Variants in MEF2C observed in about 807,000 individuals in gnomAD.
The protein encoded by MEF2C is myocyte enhancer factor 2C.
Under a neutral mutation model 50.5 loss-of-function variants are expected in MEF2C, and 6 were observed. The ratio of observed to expected loss-of-function variants is 0.12; its 90% CI spans 0.07 to 0.23. The LOEUF (loss-of-function observed/expected upper bound fraction) is 0.23. MEF2C is among the 10% of genes least tolerant of loss of function. MEF2C has a pLI of 1.00. For missense variants in MEF2C, 276 were observed against 605.0 expected (o/e 0.46, Z 5.70); for synonymous variants, 183 against 228.0 (o/e 0.80, Z 1.78).
intron 5 of MEF2C, chr5:88,750,040 A>G (rs1254652977): frequency 1.1e-5 from 5 of 473,096 alleles, no homozygotes; most frequent in Non-Finnish European, 1.4e-5. Flanking sequence ...AAAAAAAAAA[A>G]AATTACTTTT....
chr5:88,793,573 GA>G (rs1416787461), intron 3 of MEF2C, among the ~76,000 whole-genome samples: 1 of 152,052 alleles, frequency 6.6e-6, no homozygotes, highest in African/African-American at 2.4e-5. Context: ...TTAGGTAAGT[GA>G]ATCTGTTTTT....
chr5:88,878,167 T>C (rs1214764177), intron 1 of MEF2C: 1 of 152,062 alleles, frequency 6.6e-6, no homozygotes, highest in Non-Finnish European at 1.5e-5. Context: ...GAGAACTAAA[T>C]GACACATATA....
chr5:88,843,454 A>T (rs567337102), intron 1 of MEF2C: 1 of 985,160 alleles, frequency 1.0e-6, no homozygotes, highest in African/African-American at 1.7e-5. Context: ...AATGAGGCAG[A>T]CCAATTATTA....
chr5:88,854,130 T>C (rs1168049409), intron 1 of MEF2C, among the ~76,000 whole-genome samples: 3 of 152,208 alleles, frequency 2.0e-5, no homozygotes, highest in African/African-American at 4.8e-5. Context: ...ATAAGAACCA[T>C]ATTTTTGGTG....
At chr5:88,753,163 G>T (rs888992736) in intron 4 of MEF2C, among the ~76,000 whole-genome samples, 1 of 151,748 alleles carries the variant, frequency 6.6e-6, no homozygotes, top group Non-Finnish European at 1.5e-5. Flanking sequence ...TGTTTGGTTG[G>T]CTGGCCTGCA....
chr5:88,899,460 CA>C (rs1835428405), intron 1 of MEF2C, among the ~76,000 whole-genome samples: 1 of 152,056 alleles, frequency 6.6e-6, no homozygotes, highest in East Asian at 1.9e-4. Flanking sequence ...ACAAAATGGC[CA>C]AAAAGGCCCA....
At position 88,717,704 on chromosome 5, in the gene MEF2C, T is replaced by C. The variant is rs1235344973; in HGVS notation, c.*4900A>G. 1 of 152,196 alleles carries C rather than the reference T, an allele frequency of 6.6e-6. No individual in the cohort carries two copies. The highest frequency in any genetic ancestry group is 1.5e-5 in the Non-Finnish European group (1 of 68,022). 9.4% of individuals were successfully genotyped at this position (152,196 alleles called of 1,614,324 possible). A position where few individuals can be genotyped will look rare whatever the true frequency, so the allele number is the denominator to read the frequency against. ...TTTTAAATTAATCTTTCTATCAATC[T>C]TTTTAAGGACATTCCCCTTTAGAGA... On this transcript the variant is annotated 3_prime_UTR_variant, in exon 11 of 11. Transcript: ENST00000504921.
At chr5:88,899,597 T>A (rs368983721) in intron 1 of MEF2C, among the ~76,000 whole-genome samples, 10 of 152,264 alleles carry the variant, frequency 6.6e-5, no homozygotes, top group African/African-American at 2.4e-4. Flanking sequence ...GAACACTCTT[T>A]AACTCTAATG....
intron 2 of MEF2C, among the ~76,000 whole-genome samples, chr5:88,810,479 C>A (rs1428298497): frequency 6.6e-6 from 1 of 151,974 alleles, no homozygotes; most frequent in African/African-American, 2.4e-5. Flanking sequence ...TTTACAATCA[C>A]AGGATACAGA....
intron 1 of MEF2C, among the ~76,000 whole-genome samples, chr5:88,848,757 G>A (rs1400827401): frequency 6.6e-6 from 1 of 152,162 alleles, no homozygotes; most frequent in Non-Finnish European, 1.5e-5. Context: ...CTATACTAAT[G>A]AATAAGGTAT....
chr5:88,741,262 T>C (rs1766626491), intron 6 of MEF2C: 3 of 985,224 alleles, frequency 3.0e-6, no homozygotes. Flanking sequence ...AGAATGTAGA[T>C]GATTATAACC....
chr5:88,730,995 C>T (rs146524626), intron 7 of MEF2C, among the ~76,000 whole-genome samples: 501 of 152,256 alleles, frequency 3.3e-3, no homozygotes, highest in Non-Finnish European at 5.7e-3. Context: ...ATAACATTAT[C>T]TTCATCTTAG....
chr5:88,754,343 G>C (rs1774250058), intron 4 of MEF2C, among the ~76,000 whole-genome samples: 1 of 152,184 alleles, frequency 6.6e-6, no homozygotes, highest in Non-Finnish European at 1.5e-5. Flanking sequence ...TACTCTTTCA[G>C]ATCTAGAGAT....
chr5:88,739,891 A>C, intron 6 of MEF2C: 1 of 985,330 alleles, frequency 1.0e-6, no homozygotes, highest in Non-Finnish European at 1.2e-6. Flanking sequence ...TATCTTGCTA[A>C]AGACTCCTAA....
At chr5:88,881,669 A>G (rs920288550) in intron 1 of MEF2C, among the ~76,000 whole-genome samples, 1 of 151,320 alleles carries the variant, frequency 6.6e-6, no homozygotes, top group African/African-American at 2.4e-5. Flanking sequence ...CCACATAAAC[A>G]TCTTTACTCT....
intron 1 of MEF2C, among the ~76,000 whole-genome samples, chr5:88,894,871 G>A (rs539278256): frequency 7.9e-5 from 12 of 152,206 alleles, no homozygotes; most frequent in South Asian, 6.2e-4. Flanking sequence ...TATAAAATGG[G>A]CAGCGGAGGG....
At chr5:88,818,098 G>A (rs1425423621) in intron 2 of MEF2C, among the ~76,000 whole-genome samples, 2 of 151,830 alleles carry the variant, frequency 1.3e-5, no homozygotes, top group Admixed American at 1.3e-4. Flanking sequence ...GGATATTGGA[G>A]GTTTCCAAGA....
intron 2 of MEF2C, among the ~76,000 whole-genome samples, chr5:88,805,265 C>T (rs1416000953): frequency 1.3e-5 from 2 of 152,104 alleles, no homozygotes; most frequent in Admixed American, 6.6e-5. Context: ...TAATTGAAAA[C>T]ACTTGAAGGG....
chr5:88,771,352 A>G, intron 3 of MEF2C: 1 of 752,578 alleles, frequency 1.3e-6, no homozygotes, highest in African/African-American at 1.9e-5. Flanking sequence ...ATCCTTATTT[A>G]CTCCTCCTCT....
Sources: gnomAD v4.1 joint callset for allele counts (sites outside exome capture counted in the v4.1 genomes callset) on GRCh38, gnomAD v4.1.1 for gene constraint, MANE v1.5 for transcripts, NCBI Gene and HGNC (gene_info 2026-07-23, HGNC 2026-07-21) for gene names.